GLI3: variants seen among roughly 807,000 people sequenced by gnomAD.
GLI3 encodes the protein transcription activator GLI3.
A neutral mutation model predicts 100.8 loss-of-function variants in GLI3; 20 were observed. The ratio of observed to expected loss-of-function variants is 0.20; its 90% CI spans 0.14 to 0.29. GLI3 has a LOEUF of 0.29. GLI3 is among the 10% of genes least tolerant of loss of function. GLI3 has a pLI of 1.00. For synonymous variants in GLI3, 938 were observed against 860.5 expected (o/e 1.09, Z -1.58); for missense variants, 2,040 against 2,128.5 (o/e 0.96, Z 0.82).
At chr7:42,172,299 AC>A (rs982553706) in intron 2 of GLI3, among the ~76,000 whole-genome samples, 53 of 152,316 alleles carry the variant, frequency 3.5e-4, no homozygotes, top group African/African-American at 1.2e-3. Flanking sequence ...GGATTCATGC[AC>A]ATTCTGCTCT....
chr7:42,042,283 G>C (rs1784160538), intron 6 of GLI3, among the ~76,000 whole-genome samples: 1 of 152,010 alleles, frequency 6.6e-6, no homozygotes, highest in Non-Finnish European at 1.5e-5. Flanking sequence ...CAAAGTGCTG[G>C]GATTACAGGG....
At position 42,233,178 on chromosome 7, in the gene GLI3, A is replaced by T. The variant is rs569550460; in HGVS notation, c.-43+3793T>A. Among the ~76,000 whole-genome samples, 4 of 152,350 alleles carry T rather than the reference A, an allele frequency of 2.6e-5. No homozygotes were observed. The East Asian group carries it at 7.7e-4, about 29-fold the overall frequency. The stretch of plus-strand genomic sequence containing the variant: ...AAAAATAATAATTATGGCAATTTTT[A>T]AAAAAGAGAATGAAATATCTAAAGT... On this transcript the variant is annotated intron_variant, in intron 1 of 14. Coordinates refer to ENST00000395925, the MANE Select transcript of GLI3 (RefSeq NM_000168.6).
At chr7:42,034,328 T>TA (rs774019741) in intron 7 of GLI3, among the ~76,000 whole-genome samples, 6 of 152,186 alleles carry the variant, frequency 3.9e-5, no homozygotes, top group Non-Finnish European at 7.3e-5. Flanking sequence ...GCCATGTGAG[T>TA]AACTGAGTGC....
intron 2 of GLI3, among the ~76,000 whole-genome samples, chr7:42,159,038 T>C (rs1397489431): frequency 6.6e-6 from 1 of 152,202 alleles, no homozygotes; most frequent in Non-Finnish European, 1.5e-5. Flanking sequence ...TCTCATGCTG[T>C]GGCTAAATTA....
chr7:41,978,845 A>C, intron 10 of GLI3, 97 bp from the exon 11 acceptor site: 1 of 1,043,842 alleles, frequency 9.6e-7, no homozygotes, highest in Non-Finnish European at 1.5e-6. Flanking sequence ...AATCTTAAAA[A>C]TTCTAAAGAC....
chr7:42,005,209 T>C (rs1480278475), intron 10 of GLI3, among the ~76,000 whole-genome samples: 2 of 152,170 alleles, frequency 1.3e-5, no homozygotes, highest in African/African-American at 4.8e-5. Flanking sequence ...GAAGGAATTA[T>C]GGATTTGGGC....
At chr7:42,063,156 T>C (rs1350973440) in intron 4 of GLI3, among the ~76,000 whole-genome samples, 2 of 152,198 alleles carry the variant, frequency 1.3e-5, no homozygotes, top group African/African-American at 4.8e-5. Flanking sequence ...TATAGCATTT[T>C]GAAAACATTC....
At chr7:42,260,807 A>G (rs1043043316) in intron 1 of GLI3, among the ~76,000 whole-genome samples, 4 of 152,180 alleles carry the variant, frequency 2.6e-5, no homozygotes, top group Admixed American at 2.0e-4. Context: ...AGAGACAGCA[A>G]TCTCAATTTT....
intron 1 of GLI3, among the ~76,000 whole-genome samples, chr7:42,236,374 A>G (rs1389294711): frequency 6.6e-6 from 1 of 152,188 alleles, no homozygotes; most frequent in Admixed American, 6.5e-5. Flanking sequence ...AATCATATAC[A>G]GATGGTACAA....
intron 2 of GLI3, among the ~76,000 whole-genome samples, chr7:42,169,503 A>C (rs1267733423): frequency 6.6e-6 from 1 of 152,204 alleles, no homozygotes; most frequent in East Asian, 1.9e-4. Flanking sequence ...TATTAGCAGG[A>C]TAGCATTGGT....
intron 3 of GLI3, among the ~76,000 whole-genome samples, chr7:42,084,316 A>G (rs1785056764): frequency 6.6e-6 from 1 of 152,230 alleles, no homozygotes; most frequent in Non-Finnish European, 1.5e-5. Context: ...AACTGACAAA[A>G]GAAACCTCTG....
chr7:42,210,191 T>C (rs974482834), intron 2 of GLI3, among the ~76,000 whole-genome samples: 1 of 152,102 alleles, frequency 6.6e-6, no homozygotes, highest in Non-Finnish European at 1.5e-5. Flanking sequence ...GTTGTCACTG[T>C]GGTCAATGGT....
At chr7:41,973,495 T>C (rs1432666927) in intron 12 of GLI3, among the ~76,000 whole-genome samples, 1 of 152,238 alleles carries the variant, frequency 6.6e-6, no homozygotes, top group Non-Finnish European at 1.5e-5. Context: ...AAGCGGATTA[T>C]TTTCTGAAAT....
intron 14 of GLI3, 35 bp downstream of exon 14, chr7:41,967,561 C>A (rs778553433): frequency 9.6e-6 from 14 of 1,458,780 alleles, no homozygotes; most frequent in Non-Finnish European, 1.3e-5. Context: ...GAAAAAAAAA[C>A]CCTGAGCAGA....
Position 42,148,250 on chromosome 7 carries a change from T to G in GLI3, c.343A>C (p.Asn115His), listed in dbSNP as rs1415131618. Residue 115 changes from asparagine (N) to histidine (H), a missense_variant, in exon 3 of 15, where the codon AAT becomes CAT. Transcript: ENST00000395925. ...RGTVFAMDPR[N>H]GYMEPHYHPP... ...CGGTAGTGGGGCTCCATGTAACCATTCCTGGGGTCCATGGCAAACACCGTC... is the reference window on the plus strand; with the variant it reads ...CGGTAGTGGGGCTCCATGTAACCATGCCTGGGGTCCATGGCAAACACCGTC... 1 of 1,611,262 alleles carries G rather than the reference T, an allele frequency of 6.2e-7. No homozygotes were observed. Among genetic ancestry groups the G allele is most frequent in the Non-Finnish European group, 8.5e-7 (1 of 1,178,846 alleles).
At chr7:42,087,438 T>A (rs1189884931) in intron 3 of GLI3, among the ~76,000 whole-genome samples, 1 of 152,182 alleles carries the variant, frequency 6.6e-6, no homozygotes, top group Non-Finnish European at 1.5e-5. Flanking sequence ...GTGAGTAACT[T>A]CAGTGAGTAA....
intron 3 of GLI3, among the ~76,000 whole-genome samples, chr7:42,094,595 A>G (rs1785297549): frequency 6.6e-6 from 1 of 151,912 alleles, no homozygotes; most frequent in Non-Finnish European, 1.5e-5. Context: ...AAAATAGGGC[A>G]TGGTGGTGGG....
intron 10 of GLI3, among the ~76,000 whole-genome samples, chr7:42,003,558 T>A (rs1446262430): frequency 1.3e-5 from 2 of 152,200 alleles, no homozygotes; most frequent in African/African-American, 4.8e-5. Context: ...GGCATTTAGT[T>A]TAAATAACCA....
At chr7:42,223,396 T>A (rs1420502505) in intron 1 of GLI3, 101 bp from the exon 2 acceptor site, 1 of 675,562 alleles carries the variant, frequency 1.5e-6, no homozygotes, top group Non-Finnish European at 2.5e-6. Flanking sequence ...AGCCTAGAGC[T>A]TTAGGAAATT....
Sources: gnomAD v4.1 joint callset for allele counts (sites outside exome capture counted in the v4.1 genomes callset) on GRCh38, gnomAD v4.1.1 for gene constraint, MANE v1.5 for transcripts, NCBI Gene and HGNC (gene_info 2026-07-23, HGNC 2026-07-21) for gene names.